The following ADAM19 variants were observed in gnomAD, a reference collection of about 807,000 sequenced individuals.
ADAM19 encodes the protein ADAM metallopeptidase domain 19.
In ADAM19, 65 loss-of-function variants were observed where a neutral mutation model predicts 114.7. The ratio of observed to expected loss-of-function variants is 0.57; its 90% CI spans 0.46 to 0.70. The LOEUF (loss-of-function observed/expected upper bound fraction) is 0.70. ADAM19 is among the 30% of genes least tolerant of loss of function. The probability of loss-of-function intolerance (pLI) is 0.00; values close to 1 mark genes in which losing one functional copy is unlikely to be tolerated. For missense variants in ADAM19, 1,063 were observed against 1,204.7 expected (o/e 0.88, Z 1.74); for synonymous variants, 466 against 460.5 (o/e 1.01, Z -0.15).
At chr5:157,513,255 G>A (rs1253268156) in intron 8 of ADAM19, among the ~76,000 whole-genome samples, 179 bp downstream of exon 8, 2 of 152,126 alleles carry the variant, frequency 1.3e-5, no homozygotes, top group Non-Finnish European at 2.9e-5. Context: ...AAGAAAATGA[G>A]TTACTTGCCT....
At position 157,493,117 on chromosome 5, in the gene ADAM19, G is replaced by A. The variant is rs370590283; in HGVS notation, c.1764C>T (p.Asn588=). ...QSSEARPLES[N]AVPIDTTIIM... ...TGATAGTGGTGTCAATGGGCACCGC[G>A]TTGGACTCCAGGGGCCGGGCCTCAG... The change falls in exon 16 of 23, where the codon AAC becomes AAT. Residue 588 remains asparagine (N), a synonymous_variant. Transcript: ENST00000257527. 43 of 1,614,222 alleles carry A rather than the reference G, an allele frequency of 2.7e-5. 3 individuals are homozygous for A. The highest frequency in any genetic ancestry group is 1.7e-4 in the Admixed American group (10 of 60,022).
In ADAM19 at chr5:157,507,227, T is replaced by C. The variant is rs528672908; in HGVS notation, c.906-87A>G. 126 of 1,348,072 alleles carry C rather than the reference T, an allele frequency of 9.3e-5. No individual in the cohort carries two copies. In the East Asian group the frequency reaches 2.9e-3, roughly 32 times the overall value. 83.5% of individuals were successfully genotyped at this position (1,348,072 alleles called of 1,614,324 possible). A position where few individuals can be genotyped will look rare whatever the true frequency, so the allele number is the denominator to read the frequency against. ...CTGGGAGTAAGTGGCCATCACGGGGTTCCCTGGACCCGCTGACTTTCCCAG... is the reference window on the plus strand; with the variant it reads ...CTGGGAGTAAGTGGCCATCACGGGGCTCCCTGGACCCGCTGACTTTCCCAG... On this transcript the variant is annotated intron_variant, in intron 9 of 22. Transcript: ENST00000257527.
At chr5:157,492,911 C>A in intron 16 of ADAM19, 62 bp downstream of exon 16, 7 of 1,575,956 alleles carry the variant, frequency 4.4e-6, no homozygotes, top group Non-Finnish European at 6.1e-6. Context: ...TTCCCTCAGA[C>A]CTCACTTCTC....
Position 157,491,691 on chromosome 5 carries a change from C to T in ADAM19, c.2019G>A (p.Leu673=). 1 of 1,584,550 alleles carries T rather than the reference C, an allele frequency of 6.3e-7. No homozygotes were observed. Among genetic ancestry groups the T allele is most frequent in the South Asian group, 1.2e-5 (1 of 86,126 alleles). The change falls in exon 18 of 23, where the codon CTG becomes CTA. Residue 673 remains leucine, a synonymous_variant. Transcript: ENST00000257527. ...VCNNNQNCHC[L]PGWAPPFCNT... ...TGCAGAAGGGCGGGGCCCAGCCCGG[C>T]AGGCAGTGGCAGTTCTGGTTGTTGT...
chr5:157,553,015 A>T (rs1757245792), intron 3 of ADAM19, among the ~76,000 whole-genome samples: 1 of 152,198 alleles, frequency 6.6e-6, no homozygotes, highest in Non-Finnish European at 1.5e-5. Flanking sequence ...GGGCAGAAAG[A>T]GTAGAAGGAT....
At chr5:157,554,068 C>A (rs1173643437) in intron 3 of ADAM19, among the ~76,000 whole-genome samples, 1 of 152,150 alleles carries the variant, frequency 6.6e-6, no homozygotes, top group African/African-American at 2.4e-5. Context: ...ACTATGACCT[C>A]ATTTGTATAT....
intron 3 of ADAM19, among the ~76,000 whole-genome samples, chr5:157,558,866 C>T (rs367638686): frequency 6.6e-6 from 1 of 152,292 alleles, no homozygotes; most frequent in Admixed American, 6.5e-5. Context: ...CTCAATTCCA[C>T]CAGTATTATG....
intron 13 of ADAM19, 29 bp downstream of exon 13, chr5:157,499,544 C>A (rs764098171): frequency 1.9e-6 from 3 of 1,591,154 alleles, no homozygotes; most frequent in Admixed American, 1.7e-5. Context: ...CAGGCCAGGG[C>A]CCAAGGCGTG....
chr5:157,481,152 C>T (rs1754734133), intron 22 of ADAM19, 150 bp from the exon 23 acceptor site: 2 of 1,002,400 alleles, frequency 2.0e-6, no homozygotes, highest in South Asian at 3.1e-5. Context: ...TGTGTCCACT[C>T]ACCCAGACCA....
chr5:157,555,441 G>T (rs540395293), intron 3 of ADAM19, among the ~76,000 whole-genome samples: 159 of 152,302 alleles, frequency 1.0e-3, no homozygotes, highest in African/African-American at 3.7e-3. Flanking sequence ...ATGTAGATAA[G>T]CAATAACCAC....
At chr5:157,553,525 T>C (rs1189655281) in intron 3 of ADAM19, among the ~76,000 whole-genome samples, 1 of 152,168 alleles carries the variant, frequency 6.6e-6, no homozygotes, top group Non-Finnish European at 1.5e-5. Flanking sequence ...AAATGCAAAA[T>C]GGTACATTCA....
rs11466763 is a variant in ADAM19, at chr5:157,518,911, C to T, written c.601-23G>A. The T allele has an allele frequency of 2.8e-3, 4,443 of 1,607,182 alleles. 125 individuals carry two copies. In the African/African-American group the frequency reaches 0.052, roughly 19 times the overall value. On this transcript the variant is annotated intron_variant, in intron 6 of 22. Coordinates refer to ENST00000257527, the MANE Select transcript of ADAM19 (RefSeq NM_033274.5). Reference sequence around the variant, plus strand: ...CATCTAAGAAAGAGAAACAGATCAGCGCTGTAGAAATAGTGGACTTGGCCT... The same window carrying T: ...CATCTAAGAAAGAGAAACAGATCAGTGCTGTAGAAATAGTGGACTTGGCCT...
rs751794177 is a variant in ADAM19, at chr5:157,513,387, G to A, written c.738+47C>T. 14 of 1,583,032 alleles carry A rather than the reference G, an allele frequency of 8.8e-6. 1 individual carries two copies. In the South Asian group the frequency reaches 1.4e-4, roughly 16 times the overall value. ...GAAGGCAGCTCCAGTGCCCTTGGAA[G>A]TGCTGGCACCTGGCACCTTTCCCAC... is the stretch of plus-strand genomic sequence containing the variant. On this transcript the variant is annotated intron_variant, in intron 8 of 22. Coordinates refer to ENST00000257527, the MANE Select transcript of ADAM19 (RefSeq NM_033274.5).
intron 8 of ADAM19, among the ~76,000 whole-genome samples, chr5:157,510,114 G>T (rs1755870737): frequency 6.6e-6 from 1 of 152,142 alleles, no homozygotes; most frequent in Non-Finnish European, 1.5e-5. Flanking sequence ...GGTATAATTT[G>T]CATACCATAA....
intron 3 of ADAM19, among the ~76,000 whole-genome samples, chr5:157,548,270 T>C (rs1288541981): frequency 6.6e-6 from 1 of 152,146 alleles, no homozygotes; most frequent in Non-Finnish European, 1.5e-5. Context: ...CCCACATTGT[T>C]CTGTAACTGT....
At chr5:157,552,041 C>T (rs907970844) in intron 3 of ADAM19, among the ~76,000 whole-genome samples, 2 of 152,136 alleles carry the variant, frequency 1.3e-5, no homozygotes, top group African/African-American at 4.8e-5. Flanking sequence ...GTCCCAGATA[C>T]TCAAGAGACT....
chr5:157,485,120 A>G (rs1754893402), intron 21 of ADAM19, among the ~76,000 whole-genome samples: 2 of 152,200 alleles, frequency 1.3e-5, no homozygotes, highest in Non-Finnish European at 1.5e-5. Flanking sequence ...CTGCCAAGCA[A>G]TGGATCTTCA....
At chr5:157,565,416 A>G (rs931563376) in intron 2 of ADAM19, among the ~76,000 whole-genome samples, 1 of 152,136 alleles carries the variant, frequency 6.6e-6, no homozygotes, top group Non-Finnish European at 1.5e-5. Flanking sequence ...ATGCACTGAG[A>G]GTTTAAAAAT....
intron 11 of ADAM19, 104 bp from the exon 12 acceptor site, chr5:157,503,084 C>CCAGG: frequency 3.9e-6 from 4 of 1,028,998 alleles, no homozygotes; most frequent in Non-Finnish European, 5.8e-6. Context: ...CTGACTCCAC[C>CCAGG]TGGGTTCAGA....
Sources: gnomAD v4.1 joint callset for allele counts (sites outside exome capture counted in the v4.1 genomes callset) on GRCh38, gnomAD v4.1.1 for gene constraint, MANE v1.5 for transcripts, NCBI Gene and HGNC (gene_info 2026-07-23, HGNC 2026-07-21) for gene names.